Variants in STXBP5L observed in about 807,000 individuals in gnomAD.
STXBP5L encodes the protein syntaxin binding protein 5L.
Under a neutral mutation model 144.5 loss-of-function variants are expected in STXBP5L, and 65 were observed. The ratio of observed to expected loss-of-function variants is 0.45; its 90% CI spans 0.37 to 0.55. The LOEUF (loss-of-function observed/expected upper bound fraction) is 0.55, where lower values mean the gene tolerates loss of function less well. Among genes scored for constraint, STXBP5L ranks in the 20% least tolerant of loss-of-function variants. STXBP5L has a pLI of 0.00. For synonymous variants in STXBP5L, 505 were observed against 469.6 expected, an observed-to-expected ratio of 1.08 and a Z score of -0.97; for missense variants, 1,298 against 1,405.5, an observed-to-expected ratio of 0.92 and a Z score of 1.22.
intron 3 of STXBP5L, among the ~76,000 whole-genome samples, chr3:120,982,492 A>G (rs1413520188): frequency 1.3e-5 from 2 of 152,152 alleles, no homozygotes; most frequent in African/African-American, 2.4e-5. Flanking sequence ...TTTCCCTGTT[A>G]TACCCCTGTC....
intron 19 of STXBP5L, among the ~76,000 whole-genome samples, chr3:121,308,642 G>C (rs2043421671): frequency 2.6e-5 from 4 of 152,112 alleles, no homozygotes; most frequent in Non-Finnish European, 5.9e-5. Context: ...GCAAAGTTCT[G>C]TTTCAGTAAA....
chr3:121,350,504 C>G (rs1477492780), intron 20 of STXBP5L, among the ~76,000 whole-genome samples: 1 of 152,036 alleles, frequency 6.6e-6, no homozygotes, highest in Admixed American at 6.6e-5. Flanking sequence ...GAATATTGGC[C>G]TGTCTTGCTA....
chr3:121,079,807 G>A (rs2042176221), intron 5 of STXBP5L, among the ~76,000 whole-genome samples: 1 of 152,208 alleles, frequency 6.6e-6, no homozygotes, highest in Non-Finnish European at 1.5e-5. Context: ...CAGTTGTTGG[G>A]AAGAATGTTC....
intron 5 of STXBP5L, among the ~76,000 whole-genome samples, chr3:121,068,640 G>A (rs999361521): frequency 6.6e-6 from 1 of 151,548 alleles, no homozygotes; most frequent in Non-Finnish European, 1.5e-5. Context: ...GTTGCTCTTT[G>A]GATTATTTTT....
intron 3 of STXBP5L, among the ~76,000 whole-genome samples, chr3:120,997,444 C>A (rs192375940): frequency 5.9e-5 from 9 of 152,208 alleles, no homozygotes; most frequent in African/African-American, 2.2e-4. Flanking sequence ...CATAACTGTG[C>A]CAATATCTGT....
At chr3:121,378,373 C>G (rs2046244132) in intron 20 of STXBP5L, among the ~76,000 whole-genome samples, 1 of 151,990 alleles carries the variant, frequency 6.6e-6, no homozygotes, top group Non-Finnish European at 1.5e-5. Flanking sequence ...TTTTTAAACT[C>G]CAAGCACTTA....
intron 14 of STXBP5L, among the ~76,000 whole-genome samples, chr3:121,248,434 G>A (rs1286209096): frequency 6.6e-6 from 1 of 152,150 alleles, no homozygotes; most frequent in African/African-American, 2.4e-5. Context: ...CTGCTTGTAT[G>A]TCTTCTTTTG....
intron 5 of STXBP5L, among the ~76,000 whole-genome samples, chr3:121,049,101 C>A (rs1165030158): frequency 6.6e-6 from 1 of 151,602 alleles, no homozygotes; most frequent in Non-Finnish European, 1.5e-5. Flanking sequence ...GGCTAGAGAC[C>A]CCGGTAGGGA....
chr3:121,201,446 A>G (rs1291112554), intron 9 of STXBP5L, among the ~76,000 whole-genome samples: 1 of 152,186 alleles, frequency 6.6e-6, no homozygotes, highest in Non-Finnish European at 1.5e-5. Context: ...CAGCACATCG[A>G]TGGGTCTTGA....
chr3:121,153,658 T>C (rs1219886653), intron 8 of STXBP5L, among the ~76,000 whole-genome samples: 2 of 151,934 alleles, frequency 1.3e-5, no homozygotes, highest in South Asian at 2.1e-4. Flanking sequence ...CTTAAAGATA[T>C]AAGCCTTCAC....
intron 3 of STXBP5L, among the ~76,000 whole-genome samples, chr3:120,957,601 G>T (rs552204916): frequency 2.0e-5 from 3 of 151,922 alleles, no homozygotes; most frequent in Admixed American, 6.6e-5. Flanking sequence ...TTTTTCTTAA[G>T]AGTTTGAGTA....
In STXBP5L at chr3:121,373,813, C is replaced by T. The variant is rs188342171; in HGVS notation, c.2177-4903C>T. Among the ~76,000 whole-genome samples, 110 of 152,286 alleles carry T rather than the reference C, an allele frequency of 7.2e-4. 2 individuals are homozygous for T. The highest frequency in any genetic ancestry group is 3.4e-3 in the Middle Eastern group (1 of 294). Reference sequence around the variant, plus strand: ...GCCACCCAGTGGCCTGCAGACTGGTCCTACTGGCCTGATGACACCACCAGT... The same window carrying T: ...GCCACCCAGTGGCCTGCAGACTGGTTCTACTGGCCTGATGACACCACCAGT... On this transcript the variant is annotated intron_variant, in intron 20 of 26. Coordinates refer to ENST00000471454, the MANE Select transcript of STXBP5L (RefSeq NM_001308330.2).
chr3:121,366,633 T>G (rs796377258), intron 20 of STXBP5L, among the ~76,000 whole-genome samples: 4 of 152,232 alleles, frequency 2.6e-5, no homozygotes, highest in African/African-American at 9.6e-5. Flanking sequence ...TTTGTGACTC[T>G]GTATCAAAAG....
intron 5 of STXBP5L, among the ~76,000 whole-genome samples, chr3:121,074,048 A>G (rs2041919070): frequency 6.6e-6 from 1 of 152,168 alleles, no homozygotes; most frequent in South Asian, 2.1e-4. Flanking sequence ...TACATCATCC[A>G]TGTACTGCAA....
intron 20 of STXBP5L, among the ~76,000 whole-genome samples, chr3:121,353,172 G>C (rs2045366480): frequency 6.6e-6 from 1 of 152,062 alleles, no homozygotes; most frequent in Non-Finnish European, 1.5e-5. Flanking sequence ...GCCAGGCTTT[G>C]GTATCAGCAT....
chr3:121,120,410 A>G (rs573730461), intron 6 of STXBP5L, among the ~76,000 whole-genome samples: 4 of 151,404 alleles, frequency 2.6e-5, no homozygotes, highest in Admixed American at 2.0e-4. Context: ...TTCTTCCTGC[A>G]TATATTCTAG....
intron 19 of STXBP5L, among the ~76,000 whole-genome samples, chr3:121,300,461 G>T (rs1250149144): frequency 6.6e-6 from 1 of 152,198 alleles, no homozygotes; most frequent in South Asian, 2.1e-4. Flanking sequence ...ACATGTAGAA[G>T]TAAAATGTAT....
chr3:121,146,446 G>A (rs557792478), intron 7 of STXBP5L, among the ~76,000 whole-genome samples: 1 of 152,028 alleles, frequency 6.6e-6, no homozygotes, highest in Non-Finnish European at 1.5e-5. Flanking sequence ...AAAAGAGGGA[G>A]GACACATTAA....
intron 9 of STXBP5L, among the ~76,000 whole-genome samples, chr3:121,171,772 C>G (rs1350981689): frequency 1.3e-5 from 2 of 152,198 alleles, no homozygotes; most frequent in African/African-American, 2.4e-5. Context: ...AATGGCCATA[C>G]TGCCCAAAGT....
Sources: gnomAD v4.1 joint callset for allele counts (sites outside exome capture counted in the v4.1 genomes callset) on GRCh38, gnomAD v4.1.1 for gene constraint, MANE v1.5 for transcripts, NCBI Gene and HGNC (gene_info 2026-07-23, HGNC 2026-07-21) for gene names.